The following C11orf97 variants were observed in gnomAD, a reference collection of about 807,000 sequenced individuals.
The protein encoded by C11orf97 is chromosome 11 open reading frame 97.
A neutral mutation model predicts 16.2 loss-of-function variants in C11orf97; 15 were observed. The ratio of observed to expected loss-of-function variants is 0.93; its 90% CI spans 0.62 to 1.43. The LOEUF is 1.43. Ranked by LOEUF, C11orf97 falls within the 40% of genes most tolerant of loss-of-function variation. C11orf97 has a pLI of 0.00. For synonymous variants in C11orf97, 61 were observed against 65.7 expected, an observed-to-expected ratio of 0.93 and a Z score of 0.34; for missense variants, 171 against 161.2, an observed-to-expected ratio of 1.06 and a Z score of -0.33.
rs2135185396 is a variant in C11orf97, at chr11:94,528,161, A to T, written c.328A>T (p.Ser110Cys). 3 of 1,536,046 alleles carry T rather than the reference A, an allele frequency of 2.0e-6. No individual in the cohort carries two copies. In the East Asian group the frequency reaches 7.3e-5, roughly 38 times the overall value. The change falls in exon 3 of 4, where the codon AGT (serine) becomes TGT (cysteine). Residue 110 changes from serine to cysteine, a missense_variant. By Grantham distance (112) the Ser-to-Cys change is moderately radical. Transcript: ENST00000542198. The part of the protein sequence containing the change: ...GLKPGLPSRN[S>C]LLPQAKYYSR... ...GAAGCCAGGACTGCCGAGCAGAAAC[A>T]GTTTATTGCCACAAGCCAAGTACTA...
At position 94,532,040 on chromosome 11, in the gene C11orf97, C is replaced by A; in HGVS notation, c.*140C>A. The A allele has an allele frequency of 1.9e-6, 1 of 523,532 alleles. No individual in the cohort carries two copies. Among genetic ancestry groups the A allele is most frequent in the East Asian group, 3.4e-5 (1 of 29,240 alleles). 32.4% of individuals were successfully genotyped at this position (523,532 alleles called of 1,614,324 possible). A position where few individuals can be genotyped will look rare whatever the true frequency, so the allele number is the denominator to read the frequency against. The stretch of plus-strand genomic sequence containing the variant: ...TAATTACTATTATTGGTATTAATAC[C>A]TATCTATAAATTAATCCAAAGTAAT... On this transcript the variant is annotated 3_prime_UTR_variant, in exon 4 of 4. Coordinates refer to ENST00000542198, the MANE Select transcript of C11orf97 (RefSeq NM_001190462.2).
chr11:94,523,840 G>C (rs1033796904), intron 2 of C11orf97, among the ~76,000 whole-genome samples: 12 of 143,622 alleles, frequency 8.4e-5, no homozygotes, highest in African/African-American at 3.4e-4. Flanking sequence ...TGTGACTATA[G>C]TTAATAAGGG....
chr11:94,519,204 G>A (rs542771892), intron 2 of C11orf97, among the ~76,000 whole-genome samples: 45 of 152,198 alleles, frequency 3.0e-4, no homozygotes, highest in Admixed American at 5.9e-4. Context: ...CACCACGCCC[G>A]GCCCCACTTT....
chr11:94,524,383 G>A (rs567230393), intron 2 of C11orf97, among the ~76,000 whole-genome samples: 49 of 152,056 alleles, frequency 3.2e-4, no homozygotes, highest in Middle Eastern at 6.8e-3. Flanking sequence ...CTTCGGAGAG[G>A]AACAGAGATT....
intron 1 of C11orf97, among the ~76,000 whole-genome samples, chr11:94,516,544 G>T (rs535196341): frequency 5.3e-5 from 8 of 152,188 alleles, no homozygotes; most frequent in Admixed American, 5.2e-4. Context: ...ATGAACTGAA[G>T]AGACAACATC....
At chr11:94,523,984 T>G (rs1947679534) in intron 2 of C11orf97, among the ~76,000 whole-genome samples, 1 of 152,194 alleles carries the variant, frequency 6.6e-6, no homozygotes, top group African/African-American at 2.4e-5. Flanking sequence ...TTCTGTGGAC[T>G]TTTGATTCCT....
At chr11:94,519,634 T>C (rs1308619154) in intron 2 of C11orf97, among the ~76,000 whole-genome samples, 3 of 152,238 alleles carry the variant, frequency 2.0e-5, no homozygotes, top group African/African-American at 7.2e-5. Flanking sequence ...ATCCTTTATA[T>C]AAAATGAAGA....
At chr11:94,519,838 A>G (rs572986080) in intron 2 of C11orf97, among the ~76,000 whole-genome samples, 3 of 152,344 alleles carry the variant, frequency 2.0e-5, no homozygotes, top group African/African-American at 7.2e-5. Flanking sequence ...CAGAACAGAG[A>G]ATTAGCATCT....
intron 2 of C11orf97, among the ~76,000 whole-genome samples, chr11:94,518,640 C>T (rs642744): frequency 0.58 from 88,065 of 152,000 alleles, 25,820 homozygotes; most frequent in African/African-American, 0.63. Flanking sequence ...TAGTTTGAAA[C>T]TGCTGGCGTC....
intron 1 of C11orf97, among the ~76,000 whole-genome samples, chr11:94,514,863 T>C (rs1947599599): frequency 6.6e-6 from 1 of 152,048 alleles, no homozygotes; most frequent in Admixed American, 6.6e-5. Context: ...CAGGCTGGTC[T>C]TGGACTCCTG....
intron 1 of C11orf97, 135 bp from the exon 2 acceptor site, chr11:94,517,448 C>G (rs987881383): frequency 8.4e-6 from 4 of 474,384 alleles, no homozygotes; most frequent in African/African-American, 2.0e-5. Context: ...AAGATAGAGC[C>G]TTCAGGGCAA....
chr11:94,520,363 T>G (rs914447676), intron 2 of C11orf97, among the ~76,000 whole-genome samples: 1 of 152,178 alleles, frequency 6.6e-6, no homozygotes, highest in Non-Finnish European at 1.5e-5. Flanking sequence ...CCATCTTCTT[T>G]GCTGGCTCTC....
chr11:94,525,919 A>C (rs1445741589), intron 2 of C11orf97, among the ~76,000 whole-genome samples: 1 of 152,240 alleles, frequency 6.6e-6, no homozygotes, highest in East Asian at 1.9e-4. Context: ...AAAATTCAGT[A>C]TAAAAATACA....
At chr11:94,520,261 CCTT>C (rs1382038855) in intron 2 of C11orf97, among the ~76,000 whole-genome samples, 3 of 152,180 alleles carry the variant, frequency 2.0e-5, no homozygotes, top group African/African-American at 4.8e-5. Flanking sequence ...GTTGTTTCCT[CCTT>C]CTCTCTAAAA....
intron 3 of C11orf97, among the ~76,000 whole-genome samples, chr11:94,529,097 G>A (rs1947719808): frequency 1.3e-5 from 2 of 152,132 alleles, no homozygotes; most frequent in Non-Finnish European, 2.9e-5. Flanking sequence ...ACCCCGGTTC[G>A]CTCAGCTAAC....
intron 2 of C11orf97, among the ~76,000 whole-genome samples, chr11:94,523,310 A>G (rs546826741): frequency 3.9e-4 from 59 of 152,334 alleles, no homozygotes; most frequent in African/African-American, 1.4e-3. Context: ...ACATATATGC[A>G]TGGATCTAAG....
intron 2 of C11orf97, among the ~76,000 whole-genome samples, chr11:94,518,377 T>C (rs1947630806): frequency 6.6e-6 from 1 of 150,814 alleles, no homozygotes; most frequent in Non-Finnish European, 1.5e-5. Flanking sequence ...TGCTGAGCCC[T>C]ACCCCTAGCA....
At chr11:94,519,584 G>A (rs647249) in intron 2 of C11orf97, among the ~76,000 whole-genome samples, 85,468 of 151,788 alleles carry the variant, frequency 0.56, 24,257 homozygotes, top group African/African-American at 0.58. Flanking sequence ...TGTATCTTTT[G>A]GTTTATAAAA....
chr11:94,525,450 T>C (rs1004866243), intron 2 of C11orf97, among the ~76,000 whole-genome samples: 1 of 152,240 alleles, frequency 6.6e-6, no homozygotes, highest in African/African-American at 2.4e-5. Context: ...AAGTACAAGC[T>C]TAGAAAGTGC....
Sources: allele counts gnomAD v4.1 joint callset (sites outside exome capture counted in the v4.1 genomes callset), GRCh38; gene constraint gnomAD v4.1.1; transcripts MANE v1.5; gene names NCBI Gene and HGNC (gene_info 2026-07-23, HGNC 2026-07-21).